The following ANKRD30A variants were observed in gnomAD, a reference collection of about 807,000 sequenced individuals.
The protein encoded by ANKRD30A is ankyrin repeat domain-containing protein 30A.
Under a neutral mutation model 166.3 loss-of-function variants are expected in ANKRD30A, and 170 were observed. The ratio of observed to expected loss-of-function variants is 1.02; its 90% CI spans 0.90 to 1.16. The LOEUF is 1.16. ANKRD30A is among the 50% of genes most tolerant of loss of function. The pLI is 0.00. For missense variants in ANKRD30A, 1,630 were observed against 1,518.0 expected (o/e 1.07, Z -1.23); for synonymous variants, 564 against 508.9 (o/e 1.11, Z -1.46).
At chr10:37,203,190 A>C (rs1267292137) in intron 31 of ANKRD30A, among the ~76,000 whole-genome samples, 2 of 152,168 alleles carry the variant, frequency 1.3e-5, no homozygotes, top group African/African-American at 4.8e-5. Flanking sequence ...AAAAAAACAG[A>C]ATTTTAGACC....
At chr10:37,256,352 G>T in the ANKRD30A span, among the ~76,000 whole-genome samples, 1 of 152,162 alleles carries the variant, frequency 6.6e-6, no homozygotes, top group Non-Finnish European at 1.5e-5. Flanking sequence ...AAACTCTGGG[G>T]CTCAAGCAGT....
At chr10:37,256,881 T>G in the ANKRD30A span, among the ~76,000 whole-genome samples, 1 of 152,210 alleles carries the variant, frequency 6.6e-6, no homozygotes, top group Non-Finnish European at 1.5e-5. Flanking sequence ...TCTGGCAGGC[T>G]TTGGTATGGA....
chr10:37,263,240 T>C, the ANKRD30A span, among the ~76,000 whole-genome samples: 1 of 151,114 alleles, frequency 6.6e-6, no homozygotes, highest in Non-Finnish European at 1.5e-5. Context: ...CAATGTGGAA[T>C]AGGTAATCTC....
At chr10:37,207,583 C>CT (rs1042637059) in intron 31 of ANKRD30A, among the ~76,000 whole-genome samples, 24 of 146,866 alleles carry the variant, frequency 1.6e-4, no homozygotes, top group Non-Finnish European at 2.4e-4. Flanking sequence ...TGAACCTAGA[C>CT]TTTTTTTTTT....
intron 6 of ANKRD30A, 49 bp from the exon 7 acceptor site, chr10:37,141,669 G>GGATGATAT (rs1837132445): frequency 6.3e-7 from 1 of 1,599,444 alleles, no homozygotes; most frequent in African/African-American, 1.3e-5. Flanking sequence ...AGAGTCAGGA[G>GGATGATAT]GATGATATTT....
At chr10:37,178,730 A>G in intron 24 of ANKRD30A, 1 of 628,192 alleles carries the variant, frequency 1.6e-6, no homozygotes, top group South Asian at 6.7e-5. Context: ...TAATTTTAAC[A>G]GGTGTCGAAT....
rs1286089194 is a variant in ANKRD30A, at chr10:37,218,975, T to A, written c.3268-5T>A. On this transcript the variant is annotated splice_polypyrimidine_tract_variant and splice_region_variant and intron_variant, in intron 33 of 35. Coordinates refer to ENST00000361713, the MANE Select transcript of ANKRD30A (RefSeq NM_052997.3). The stretch of plus-strand genomic sequence containing the variant: ...CTAGCTAAAAGTTTATTTTGTTTTA[T>A]TTAGGTTTCTCACACTCATGAAAAT... The A allele has an allele frequency of 1.9e-6, 3 of 1,556,686 alleles. No individual in the cohort carries two copies. The highest frequency in any genetic ancestry group is 8.7e-7 in the Non-Finnish European group (1 of 1,151,958).
the ANKRD30A span, among the ~76,000 whole-genome samples, chr10:37,239,750 T>G: frequency 1.3e-5 from 2 of 152,160 alleles, no homozygotes; most frequent in South Asian, 4.1e-4. Flanking sequence ...ATAGTCTCTA[T>G]TATCTAAATC....
At chr10:37,207,232 A>G (rs373272345) in intron 31 of ANKRD30A, among the ~76,000 whole-genome samples, 7 of 152,174 alleles carry the variant, frequency 4.6e-5, no homozygotes, top group Non-Finnish European at 2.9e-5. Flanking sequence ...ACATTCAGCT[A>G]AACTCTCATT....
chr10:37,219,168 G>C lies in ANKRD30A; in HGVS notation c.3456G>C (p.Leu1152=). 1 of 1,610,432 alleles carries C rather than the reference G, an allele frequency of 6.2e-7. No individual in the cohort carries two copies. Residue 1152 remains leucine, a synonymous_variant, in exon 34 of 36, where the codon CTG becomes CTC. Transcript: ENST00000361713. ...CTGAACTTCAGATGACCCTAAAACT[G>C]AAAGAGGAATCATTAACTAAAAGGG... The part of the protein sequence containing the change: ...KNAELQMTLK[L]KEESLTKRAS...
chr10:37,138,562 G>A (rs1319742720), intron 6 of ANKRD30A, among the ~76,000 whole-genome samples: 6 of 152,128 alleles, frequency 3.9e-5, no homozygotes, highest in African/African-American at 9.7e-5. Context: ...ACCAAGGCAC[G>A]AGAACTATGT....
rs752340658 is a variant in ANKRD30A at position 37,152,140 on chromosome 10, T to A, written c.1707+19T>A. 5.7e-6 allele frequency: 9 copies of A among 1,569,518 alleles called. No homozygotes were observed. The highest frequency in any genetic ancestry group is 7.9e-6 in the Non-Finnish European group (9 of 1,143,794). On this transcript the variant is annotated intron_variant, in intron 12 of 35. Coordinates refer to ENST00000361713, the MANE Select transcript of ANKRD30A (RefSeq NM_052997.3). ...TTCTGAGGTACTATGTGTTATTGAT[T>A]TTTTTTTAATATTAGTATTGCATGA...
At chr10:37,248,027 TGA>T in the ANKRD30A span, 2 of 341,374 alleles carry the variant, frequency 5.9e-6, no homozygotes, top group Non-Finnish European at 1.1e-5. Flanking sequence ...AAAGTAAAAC[TGA>T]AAAAAAAAAA....
intron 1 of ANKRD30A, 108 bp from the exon 2 acceptor site, chr10:37,129,785 T>C (rs1193548451): frequency 1.7e-5 from 9 of 522,244 alleles, no homozygotes; most frequent in Non-Finnish European, 2.7e-5. Flanking sequence ...AGTATTTGTT[T>C]TGAAGGCAGA....
intron 29 of ANKRD30A, among the ~76,000 whole-genome samples, chr10:37,198,742 T>A (rs1841371210): frequency 6.6e-6 from 1 of 152,130 alleles, no homozygotes; most frequent in Non-Finnish European, 1.5e-5. Flanking sequence ...GATCACAAGT[T>A]AAATTTACTT....
In ANKRD30A at chr10:37,134,003, T is replaced by G. The variant is rs780847718; in HGVS notation, c.705T>G (p.Asp235Glu). The G allele has an allele frequency of 3.1e-6, 5 of 1,614,086 alleles. No homozygotes were observed. The South Asian group carries it at 5.5e-5, about 18-fold the overall frequency. ...LQQNVDVFAADICGVTAEHYA... is the reference protein window; with the variant it reads ...LQQNVDVFAAEICGVTAEHYA... ...AAAATGTTGACGTCTTTGCTGCAGA[T>G]ATATGTGGAGTAACTGCAGAACATT... Residue 235 changes from aspartate (D) to glutamate (E), a missense_variant, in exon 5 of 36, where the codon GAT becomes GAG. Coordinates refer to ENST00000361713, the MANE Select transcript of ANKRD30A (RefSeq NM_052997.3).
At chr10:37,153,158 T>G (rs915985139) in intron 12 of ANKRD30A, among the ~76,000 whole-genome samples, 36 of 152,312 alleles carry the variant, frequency 2.4e-4, no homozygotes, top group African/African-American at 8.4e-4. Context: ...TCTGTGATCA[T>G]GAATATTTTA....
At chr10:37,158,713 G>T (rs562538281) in intron 15 of ANKRD30A, 127 bp downstream of exon 15, 1 of 1,349,784 alleles carries the variant, frequency 7.4e-7, no homozygotes, top group East Asian at 2.5e-5. Flanking sequence ...ATACAATAAT[G>T]CCAATGTGAG....
At chr10:37,259,002 AAG>A in the ANKRD30A span, among the ~76,000 whole-genome samples, 4 of 151,446 alleles carry the variant, frequency 2.6e-5, no homozygotes, top group African/African-American at 9.7e-5. Context: ...TCTATAACAT[AAG>A]AGAGTATCTT....
Sources: gnomAD v4.1 joint callset for allele counts (sites outside exome capture counted in the v4.1 genomes callset) on GRCh38, gnomAD v4.1.1 for gene constraint, MANE v1.5 for transcripts, NCBI Gene and HGNC (gene_info 2026-07-23, HGNC 2026-07-21) for gene names.